The following TRAPPC8 variants were observed in gnomAD, a reference collection of about 807,000 sequenced individuals.
TRAPPC8 encodes general sporulation gene 1 homolog.
Under a neutral mutation model 174.3 loss-of-function variants are expected in TRAPPC8, and 54 were observed. The observed-to-expected ratio is 0.31, with a 90% confidence interval of 0.25 to 0.39. TRAPPC8 has a LOEUF of 0.39. Ranked by LOEUF, TRAPPC8 falls within the 10% of genes least tolerant of loss-of-function variation. The pLI is 1.00. For missense variants in TRAPPC8, 1,531 were observed against 1,699.1 expected, an observed-to-expected ratio of 0.90 and a Z score of 1.74; for synonymous variants, 630 against 579.9, an observed-to-expected ratio of 1.09 and a Z score of -1.24.
intron 28 of TRAPPC8, 66 bp from the exon 29 acceptor site, chr18:31,831,055 T>C: frequency 7.1e-7 from 1 of 1,405,626 alleles, no homozygotes; most frequent in Non-Finnish European, 9.8e-7. Flanking sequence ...CAAAGTCACA[T>C]TAACATATCC....
At chr18:31,877,306 C>T (rs2035204553) in intron 12 of TRAPPC8, among the ~76,000 whole-genome samples, 1 of 152,104 alleles carries the variant, frequency 6.6e-6, no homozygotes, top group South Asian at 2.1e-4. Context: ...TTTGTGGTGG[C>T]TCCATCACAG....
At chr18:31,881,782 A>C (rs563683921) in intron 12 of TRAPPC8, among the ~76,000 whole-genome samples, 1 of 152,194 alleles carries the variant, frequency 6.6e-6, no homozygotes, top group Non-Finnish European at 1.5e-5. Context: ...AAAGTAACTT[A>C]AATCAAGAAA....
Position 31,943,068 on chromosome 18 carries a change from T to G in TRAPPC8, c.-304A>C. The G allele has an allele frequency of 2.2e-6, 1 of 463,616 alleles. No individual in the cohort carries two copies. The highest frequency in any genetic ancestry group is 3.5e-6 in the Non-Finnish European group (1 of 284,310). 28.7% of individuals were successfully genotyped at this position (463,616 alleles called of 1,614,324 possible). A position where few individuals can be genotyped will look rare whatever the true frequency, so the allele number is the denominator to read the frequency against. ...AGTCCTTCGGACGGCAAAACCTTGGTCACTGCCCGGCCGGAACCGCCATGT... is the reference window on the plus strand; with the variant it reads ...AGTCCTTCGGACGGCAAAACCTTGGGCACTGCCCGGCCGGAACCGCCATGT... On this transcript the variant is annotated 5_prime_UTR_variant, in exon 1 of 29. The change abolishes the stop of an existing upstream ORF in the 5' untranslated region. Coordinates refer to ENST00000283351, the MANE Select transcript of TRAPPC8 (RefSeq NM_014939.5).
chr18:31,876,315 ACT>A (rs546501934), intron 12 of TRAPPC8, among the ~76,000 whole-genome samples: 85 of 151,612 alleles, frequency 5.6e-4, no homozygotes, highest in African/African-American at 1.7e-3. Context: ...ATGGTGAAAC[ACT>A]GTCTCTACTA....
chr18:31,895,276 TG>T (rs1363205877), intron 11 of TRAPPC8, among the ~76,000 whole-genome samples: 1 of 152,176 alleles, frequency 6.6e-6, no homozygotes, highest in Non-Finnish European at 1.5e-5. Flanking sequence ...ATACAGTAAA[TG>T]TAAATTGTTG....
intron 12 of TRAPPC8, among the ~76,000 whole-genome samples, chr18:31,881,512 TAAAGATAAGACCTCAAAGTATAAAA>T (rs1388232148): frequency 2.0e-5 from 3 of 152,020 alleles, no homozygotes. Flanking sequence ...ATTAAAGACT[TAAAGATAAGACCTCAAAGTATAAAA>T]AAATCCTAGA....
intron 27 of TRAPPC8, chr18:31,832,468 T>G (rs1266770438): frequency 6.4e-6 from 1 of 155,114 alleles, no homozygotes; most frequent in Non-Finnish European, 1.4e-5. Context: ...TTTCACAAAA[T>G]GAAAAACAAA....
In TRAPPC8 at chr18:31,916,361, G is replaced by T. The variant is rs748959735; in HGVS notation, c.528C>A (p.Asn176Lys). 2 of 1,613,886 alleles carry T rather than the reference G, an allele frequency of 1.2e-6. No homozygotes were observed. The highest frequency in any genetic ancestry group is 2.2e-5 in the South Asian group (2 of 91,012). The part of the protein sequence containing the change: ...LSQEQHRIQH[N>K]SDYSYPKWFI... ...ACCACTTGGGGTAGGAATAATCACTGTTGTGCTGAATTCGATGCTGTTCTT... is the reference window on the plus strand; with the variant it reads ...ACCACTTGGGGTAGGAATAATCACTTTTGTGCTGAATTCGATGCTGTTCTT... The change falls in exon 4 of 29, where the codon AAC becomes AAA. Residue 176 changes from asparagine to lysine, a missense_variant. By Grantham distance (94) the Asn-to-Lys change is moderately conservative. Coordinates refer to ENST00000283351, the MANE Select transcript of TRAPPC8 (RefSeq NM_014939.5).
chr18:31,897,431 A>C (rs2036229938), intron 11 of TRAPPC8, among the ~76,000 whole-genome samples: 1 of 152,244 alleles, frequency 6.6e-6, no homozygotes, highest in Non-Finnish European at 1.5e-5. Flanking sequence ...CTCAGATAAC[A>C]AAATATGAGT....
chr18:31,931,518 T>C lies in TRAPPC8; in HGVS notation c.163A>G (p.Met55Val). ...PFSRLTSEVH[M>V]RDPNNQLHVI... ...TGAAGTTGATTATTAGGATCTCTCA[T>C]GTGAACTTTAAAGAAAAAAAGAAAA... Residue 55 changes from methionine to valine, a missense_variant, in exon 2 of 29, where the codon ATG (methionine) becomes GTG (valine). Physicochemically the swap from Met to Val is conservative, Grantham distance 21 (BLOSUM62 1). Coordinates refer to ENST00000283351, the MANE Select transcript of TRAPPC8 (RefSeq NM_014939.5). The C allele has an allele frequency of 6.4e-7, 1 of 1,555,334 alleles. No individual in the cohort carries two copies. The highest frequency in any genetic ancestry group is 8.7e-7 in the Non-Finnish European group (1 of 1,153,124).
At chr18:31,839,564 A>T in intron 26 of TRAPPC8, 107 bp from the exon 27 acceptor site, 1 of 1,033,494 alleles carries the variant, frequency 9.7e-7, no homozygotes, top group Non-Finnish European at 1.3e-6. Flanking sequence ...GAGATAATGT[A>T]ATGCATGAAC....
chr18:31,907,791 TG>T (rs2052494653), intron 8 of TRAPPC8, among the ~76,000 whole-genome samples, 181 bp from the exon 9 acceptor site: 1 of 152,202 alleles, frequency 6.6e-6, no homozygotes, highest in Non-Finnish European at 1.5e-5. Flanking sequence ...GAAAGTTCCT[TG>T]TTTTATTATT....
intron 2 of TRAPPC8, among the ~76,000 whole-genome samples, chr18:31,927,620 C>G (rs1337781957): frequency 6.6e-6 from 1 of 152,116 alleles, no homozygotes; most frequent in Non-Finnish European, 1.5e-5. Flanking sequence ...CCAGGCTGGT[C>G]TTGAACTCCT....
At chr18:31,881,686 A>C (rs1477264927) in intron 12 of TRAPPC8, among the ~76,000 whole-genome samples, 1 of 152,206 alleles carries the variant, frequency 6.6e-6, no homozygotes, top group Non-Finnish European at 1.5e-5. Context: ...CAGCAAAAGA[A>C]ACTATTAGCA....
intron 16 of TRAPPC8, among the ~76,000 whole-genome samples, chr18:31,868,058 A>G (rs921603201): frequency 4.6e-5 from 7 of 152,206 alleles, no homozygotes; most frequent in Non-Finnish European, 1.0e-4. Context: ...CATAGAAAAG[A>G]TAATGGTGGG....
chr18:31,914,639 G>A (rs1239320076), intron 4 of TRAPPC8, among the ~76,000 whole-genome samples: 1 of 152,116 alleles, frequency 6.6e-6, no homozygotes, highest in East Asian at 1.9e-4. Flanking sequence ...AAAAGATGGT[G>A]GTCCATGCTC....
intron 27 of TRAPPC8, among the ~76,000 whole-genome samples, chr18:31,837,454 T>TG (rs746739468): frequency 2.9e-4 from 44 of 152,290 alleles, no homozygotes; most frequent in Admixed American, 7.8e-4. Flanking sequence ...CCCAGCACTT[T>TG]GGGAGGCCGA....
intron 19 of TRAPPC8, among the ~76,000 whole-genome samples, chr18:31,860,096 T>C (rs1158198162): frequency 2.0e-5 from 3 of 152,164 alleles, no homozygotes; most frequent in Admixed American, 2.0e-4. Context: ...AGTTGATATT[T>C]GTGATAGCTT....
At chr18:31,858,601 G>A (rs9949329) in intron 19 of TRAPPC8, among the ~76,000 whole-genome samples, 6,137 of 152,168 alleles carry the variant, frequency 0.04, 350 homozygotes, top group African/African-American at 0.12. Flanking sequence ...ATTAATGTTT[G>A]GTTACTAGGT....
Sources: gnomAD v4.1 joint callset for allele counts (sites outside exome capture counted in the v4.1 genomes callset) on GRCh38, gnomAD v4.1.1 for gene constraint, MANE v1.5 for transcripts, NCBI Gene and HGNC (gene_info 2026-07-23, HGNC 2026-07-21) for gene names.